Variants in SLC5A9 observed in about 807,000 individuals in gnomAD.
The protein encoded by SLC5A9 is sodium/glucose cotransporter 4.
In SLC5A9, 59 loss-of-function variants were observed where a neutral mutation model predicts 70.9. That is an observed-to-expected ratio of 0.83 (90% CI 0.68 to 1.03). The LOEUF is 1.03. Ranked by LOEUF, SLC5A9 falls within the 50% of genes least tolerant of loss-of-function variation. The probability of loss-of-function intolerance (pLI) is 0.00; values close to 1 mark genes in which losing one functional copy is unlikely to be tolerated. For missense variants in SLC5A9, 832 were observed against 881.1 expected (o/e 0.94, Z 0.71); for synonymous variants, 340 against 346.5 (o/e 0.98, Z 0.21).
Position 48,237,744 on chromosome 1 carries a change from G to A in SLC5A9, c.1358G>A (p.Ser453Asn). The A allele has an allele frequency of 6.2e-7, 1 of 1,614,112 alleles. No individual in the cohort carries two copies. Among genetic ancestry groups the A allele is most frequent in the Non-Finnish European group, 8.5e-7 (1 of 1,180,018 alleles). Reference sequence around the variant, plus strand: ...ATCCCCATCATCCAAAGCTCCAACAGTGGGCAGCTCTTCGACTACATCCAG... The same window carrying A: ...ATCCCCATCATCCAAAGCTCCAACAATGGGCAGCTCTTCGACTACATCCAG... ...LWIPIIQSSN[S>N]GQLFDYIQAV... The change falls in exon 11 of 14, where the codon AGT (serine) becomes AAT (asparagine). Residue 453 changes from serine to asparagine, a missense_variant. Transcript: ENST00000438567.
At position 48,232,252 on chromosome 1, in the gene SLC5A9, G is replaced by A. The variant is rs1319729731; in HGVS notation, c.897+101G>A. 1.0e-5 allele frequency: 16 copies of A among 1,554,498 alleles called. No homozygotes were observed. The East Asian group carries it at 1.1e-4, about 11-fold the overall frequency. ...TGCATAGAGGGTTGGACCTCATTCT[G>A]GGATTGTGACTGGACTGGAGTAGGG... On this transcript the variant is annotated intron_variant, in intron 7 of 13. Transcript: ENST00000438567.
Position 48,238,620 on chromosome 1 carries a change from C to T in SLC5A9, c.1462-702C>T, listed in dbSNP as rs140482563. 916 of 152,422 alleles carry T rather than the reference C, an allele frequency of 6.0e-3. 24 individuals are homozygous for T. Among genetic ancestry groups the T allele is most frequent in the South Asian group, 0.052 (251 of 4,830 alleles). 9.4% of individuals were successfully genotyped at this position (152,422 alleles called of 1,614,324 possible). A position where few individuals can be genotyped will look rare whatever the true frequency, so the allele number is the denominator to read the frequency against. On this transcript the variant is annotated intron_variant, in intron 11 of 13. Transcript: ENST00000438567. Reference sequence around the variant, plus strand: ...TGAAAATGAGGTCATGGAACCCCCTCCCTTGATGGTGCACCTAAGCAAGTG... The same window carrying T: ...TGAAAATGAGGTCATGGAACCCCCTTCCTTGATGGTGCACCTAAGCAAGTG...
At chr1:48,223,805 C>G (rs1481064832) in intron 1 of SLC5A9, among the ~76,000 whole-genome samples, 2 of 152,188 alleles carry the variant, frequency 1.3e-5, no homozygotes, top group Non-Finnish European at 2.9e-5. Flanking sequence ...CAGATGGTCA[C>G]TGGCTCCTGG....
chr1:48,229,566 G>GA (rs56713648), intron 4 of SLC5A9, 107 bp downstream of exon 4: 3 of 1,522,840 alleles, frequency 2.0e-6, no homozygotes, highest in South Asian at 2.6e-5. Context: ...AATCACTGTT[G>GA]AAAAAAAGGA....
chr1:48,230,722 G>A lies in SLC5A9; in HGVS notation c.610+17G>A. On this transcript the variant is annotated intron_variant, in intron 5 of 13. Coordinates refer to ENST00000438567, the MANE Select transcript of SLC5A9 (RefSeq NM_001011547.3). ...CCATTGCAGGTAGGCAGAGGGAAGA[G>A]GGCAAGAGGAAAGCTTCTGACTGGC... 6.3e-7 allele frequency: 1 copy of A among 1,589,952 alleles called. No homozygotes were observed. Among genetic ancestry groups the A allele is most frequent in the East Asian group, 2.2e-5 (1 of 44,736 alleles).
intron 2 of SLC5A9, among the ~76,000 whole-genome samples, chr1:48,225,458 C>T (rs1644130807): frequency 6.6e-6 from 1 of 152,136 alleles, no homozygotes; most frequent in Non-Finnish European, 1.5e-5. Context: ...CAAGCCACCT[C>T]ACATTTCTAT....
chr1:48,227,541 T>C (rs1170178031), intron 2 of SLC5A9, among the ~76,000 whole-genome samples: 1 of 149,978 alleles, frequency 6.7e-6, no homozygotes, highest in Admixed American at 6.6e-5. Context: ...GTACTGTGCC[T>C]GTGTGGGTGT....
Position 48,242,306 on chromosome 1 carries a change from G to T in SLC5A9, c.1678-151G>T, listed in dbSNP as rs1644400025. 8 of 834,592 alleles carry T rather than the reference G, an allele frequency of 9.6e-6. No homozygotes were observed. In the South Asian group the frequency reaches 1.2e-4, roughly 12 times the overall value. 51.7% of individuals were successfully genotyped at this position (834,592 alleles called of 1,614,324 possible). ...ATATTTGAAGAAAGAGGAAGTCAGG[G>T]CTGAGATCCGGGCCTCCTGACTCCC... On this transcript the variant is annotated intron_variant, in intron 12 of 13. Coordinates refer to ENST00000438567, the MANE Select transcript of SLC5A9 (RefSeq NM_001011547.3).
chr1:48,228,405 T>G (rs1439908136), intron 2 of SLC5A9: 1 of 175,486 alleles, frequency 5.7e-6, no homozygotes, highest in East Asian at 1.5e-4. Context: ...CGACCTGGCC[T>G]GTGCTCAGTC....
At chr1:48,235,663 C>T in intron 9 of SLC5A9, 66 bp from the exon 10 acceptor site, 3 of 1,592,308 alleles carry the variant, frequency 1.9e-6, no homozygotes, top group South Asian at 1.1e-5. Flanking sequence ...CTCCAGCAGC[C>T]TCTGTAGTCC....
Position 48,231,714 on chromosome 1 carries a change from T to C in SLC5A9, c.691+89T>C. ...CACCTCCACAGTTCGATTGAAACTT[T>C]CCAGTGCATAGAGCCATGTGAGCCA... On this transcript the variant is annotated intron_variant, in intron 6 of 13. Coordinates refer to ENST00000438567, the MANE Select transcript of SLC5A9 (RefSeq NM_001011547.3). The C allele has an allele frequency of 6.4e-6, 10 of 1,557,866 alleles. No individual in the cohort carries two copies. The South Asian group carries it at 1.2e-4, about 19-fold the overall frequency.
chr1:48,229,482 C>A, intron 4 of SLC5A9, 23 bp downstream of exon 4: 1 of 1,611,636 alleles, frequency 6.2e-7, no homozygotes, highest in South Asian at 1.1e-5. Context: ...GCAATGTGGT[C>A]ACTGTGTCTG....
Position 48,247,457 on chromosome 1 carries a change from G to A in SLC5A9, c.1960G>A (p.Glu654Lys). 6.2e-7 allele frequency: 1 copy of A among 1,614,170 alleles called. No homozygotes were observed. The highest frequency in any genetic ancestry group is 8.5e-7 in the Non-Finnish European group (1 of 1,180,032). Residue 654 changes from glutamate to lysine, a missense_variant, in exon 14 of 14, where the codon GAG (glutamate) becomes AAG (lysine). Coordinates refer to ENST00000438567, the MANE Select transcript of SLC5A9 (RefSeq NM_001011547.3). The part of the protein sequence containing the change: ...ALEQKLTSIE[E>K]EPLWRHVCNI... Reference sequence around the variant, plus strand: ...AGAACAGAAGCTGACAAGCATTGAGGAGGAGCCACTCTGGAGACATGTCTG... The same window carrying A: ...AGAACAGAAGCTGACAAGCATTGAGAAGGAGCCACTCTGGAGACATGTCTG...
Position 48,222,793 on chromosome 1 carries a change from T to C in SLC5A9, c.57T>C (p.Thr19=). The C allele has an allele frequency of 2.5e-6, 4 of 1,614,136 alleles. No homozygotes were observed. The highest frequency in any genetic ancestry group is 3.4e-6 in the Non-Finnish European group (4 of 1,180,004). ...GPGASGDGVR[T]ETAPHIALDS... ...GAGCTTCAGGGGACGGGGTCAGGAC[T>C]GAGACAGCTCCACACATAGCACTGG... is the stretch of plus-strand genomic sequence containing the variant. Residue 19 remains threonine, a synonymous_variant, in exon 1 of 14, where the codon ACT becomes ACC. Transcript: ENST00000438567.
rs12563106 is a variant in SLC5A9 at position 48,235,951 on chromosome 1, A to T, written c.1292+72A>T. The T allele has an allele frequency of 1.9e-6, 3 of 1,582,812 alleles. No individual in the cohort carries two copies. The East Asian group carries it at 6.7e-5, about 36-fold the overall frequency. ...TGCCCTGCCCTGGGTTACCCTGAAC[A>T]GAGGTGGCTGGGTTGGACCCTGGAC... On this transcript the variant is annotated intron_variant, in intron 10 of 13. Transcript: ENST00000438567.
At chr1:48,246,345 G>A (rs1015529683) in intron 13 of SLC5A9, among the ~76,000 whole-genome samples, 5 of 152,136 alleles carry the variant, frequency 3.3e-5, no homozygotes, top group Non-Finnish European at 7.3e-5. Context: ...CAATCAGGGA[G>A]CCAGACCAGA....
Position 48,248,062 on chromosome 1 carries a change from C to T in SLC5A9, c.*519C>T, listed in dbSNP as rs775248374. ...TTTACCCAGGAGAGTCCTATATTTC[C>T]ATTGGTGGCTCCACAGTGGTGGCTG... On this transcript the variant is annotated 3_prime_UTR_variant, in exon 14 of 14. Coordinates refer to ENST00000438567, the MANE Select transcript of SLC5A9 (RefSeq NM_001011547.3). 2 of 159,186 alleles carry T rather than the reference C, an allele frequency of 1.3e-5. No individual in the cohort carries two copies. Among genetic ancestry groups the T allele is most frequent in the Admixed American group, 5.9e-5 (1 of 17,042 alleles). 9.9% of individuals were successfully genotyped at this position (159,186 alleles called of 1,614,324 possible).
chr1:48,242,521 A>AGAGC lies in SLC5A9; in HGVS notation c.1743_1746dup (p.Thr583GlufsTer31). 1 of 1,613,794 alleles carries AGAGC rather than the reference A, an allele frequency of 6.2e-7. No homozygotes were observed. Among genetic ancestry groups the AGAGC allele is most frequent in the Non-Finnish European group, 8.5e-7 (1 of 1,179,746 alleles). ...TCTGAGCTGGAGAAGGAGGCCCACG[A>AGAGC]GAGCACACCGGAGATATCCGAGAGG... is the stretch of plus-strand genomic sequence containing the variant. On this transcript the variant is annotated frameshift_variant, in exon 13 of 14. Coordinates refer to ENST00000438567, the MANE Select transcript of SLC5A9 (RefSeq NM_001011547.3). LOFTEE classifies it high-confidence loss of function.
In SLC5A9 at chr1:48,235,898, C is replaced by T. The variant is rs1644320220; in HGVS notation, c.1292+19C>T. 2 of 1,613,870 alleles carry T rather than the reference C, an allele frequency of 1.2e-6. No individual in the cohort carries two copies. The highest frequency in any genetic ancestry group is 2.7e-5 in the African/African-American group (2 of 74,892). On this transcript the variant is annotated intron_variant, in intron 10 of 13. Coordinates refer to ENST00000438567, the MANE Select transcript of SLC5A9 (RefSeq NM_001011547.3). ...TGGGCAGGTGCGCCGGCCCCTCCTT[C>T]CCTCCTTCCGAAGTGCCCTCTCCCC...
Sources: allele counts gnomAD v4.1 joint callset (sites outside exome capture counted in the v4.1 genomes callset), GRCh38; gene constraint gnomAD v4.1.1; transcripts MANE v1.5; gene names NCBI Gene and HGNC (gene_info 2026-07-23, HGNC 2026-07-21).